The following ERP27 variants were observed in gnomAD, a reference collection of about 807,000 sequenced individuals.
ERP27 encodes the protein endoplasmic reticulum protein 27.
Under a neutral mutation model 27.7 loss-of-function variants are expected in ERP27, and 23 were observed. The ratio of observed to expected loss-of-function variants is 0.83; its 90% CI spans 0.60 to 1.18. The LOEUF is 1.18. Ranked by LOEUF, ERP27 falls within the 50% of genes most tolerant of loss-of-function variation. The probability of loss-of-function intolerance (pLI) is 0.00; values close to 1 mark genes in which losing one functional copy is unlikely to be tolerated. For synonymous variants in ERP27, 159 were observed against 118.3 expected (o/e 1.34, Z -2.23); for missense variants, 363 against 327.9 (o/e 1.11, Z -0.83).
chr12:14,923,546 A>G (rs943490355), intron 3 of ERP27, among the ~76,000 whole-genome samples: 6 of 137,034 alleles, frequency 4.4e-5, no homozygotes, highest in African/African-American at 1.3e-4. Flanking sequence ...TATATTACCT[A>G]TCTCCTGTTG....
intron 3 of ERP27, among the ~76,000 whole-genome samples, chr12:14,929,559 T>C (rs1863666026): frequency 6.6e-6 from 1 of 152,144 alleles, no homozygotes; most frequent in Non-Finnish European, 1.5e-5. Context: ...ATGGAAAGAA[T>C]TTTACTTAAA....
At chr12:14,929,789 C>T (rs1259853652) in intron 3 of ERP27, among the ~76,000 whole-genome samples, 1 of 152,030 alleles carries the variant, frequency 6.6e-6, no homozygotes, top group East Asian at 1.9e-4. Context: ...TTTCTAACAA[C>T]CCAGATTTTT....
Position 14,915,615 on chromosome 12 carries a change from C to G in ERP27, c.648G>C (p.Glu216Asp). The change falls in exon 6 of 7, where the codon GAG becomes GAC. Residue 216 changes from glutamate to aspartate, a missense_variant. Physicochemically the swap from Glu to Asp is conservative, Grantham distance 45. Coordinates refer to ENST00000266397, the MANE Select transcript of ERP27 (RefSeq NM_152321.4). ...AAATTGCCAAAGCTGGCAGTTGAGA[C>G]TCCTTTAGTTTGAAAAATGATATCA... ...GKVISFFKLK[E>D]SQLPALAIYQ... is the part of the protein sequence containing the mutation. 1.9e-6 allele frequency: 3 copies of G among 1,614,224 alleles called. No homozygotes were observed. Among genetic ancestry groups the G allele is most frequent in the Non-Finnish European group, 2.5e-6 (3 of 1,180,042 alleles).
intron 3 of ERP27, among the ~76,000 whole-genome samples, chr12:14,931,989 A>G (rs1028351594): frequency 1.3e-5 from 2 of 152,142 alleles, no homozygotes; most frequent in African/African-American, 4.8e-5. Flanking sequence ...CTTATTTCAC[A>G]CTGGTGAGAA....
At chr12:14,930,537 G>C (rs1863682407) in intron 3 of ERP27, among the ~76,000 whole-genome samples, 1 of 152,180 alleles carries the variant, frequency 6.6e-6, no homozygotes, top group African/African-American at 2.4e-5. Flanking sequence ...GCAACAATAA[G>C]AGTCCTGTTG....
intron 3 of ERP27, among the ~76,000 whole-genome samples, chr12:14,927,259 C>T (rs1348056302): frequency 6.6e-6 from 1 of 151,724 alleles, no homozygotes; most frequent in East Asian, 1.9e-4. Context: ...GTGGATTATG[C>T]ATATTCCACA....
At position 14,934,880 on chromosome 12, in the gene ERP27, C is replaced by T. The variant is rs757168390; in HGVS notation, c.309G>A (p.Gly103=). ...SEVLTHYNIT[G]NTICLFRLVD... is the part of the protein sequence containing the mutation. The stretch of plus-strand genomic sequence containing the variant: ...CCAGGCGAAAGAGGCAGATGGTGTT[C>T]CCAGTGATGTTGTAGTGTGTCAGAA... The change falls in exon 3 of 7, where the codon GGG becomes GGA. Residue 103 remains glycine (G), a synonymous_variant. Transcript: ENST00000266397. 1.9e-6 allele frequency: 3 copies of T among 1,613,902 alleles called. No individual in the cohort carries two copies. The highest frequency in any genetic ancestry group is 1.7e-6 in the Non-Finnish European group (2 of 1,179,912).
At chr12:14,915,440 A>G (rs1166436932) in intron 6 of ERP27, 49 bp downstream of exon 6, 4 of 1,574,546 alleles carry the variant, frequency 2.5e-6, no homozygotes, top group Admixed American at 1.7e-5. Flanking sequence ...TGGAAATAAA[A>G]GGGACATAGA....
At chr12:14,915,832 G>A (rs1168870526) in intron 5 of ERP27, 146 bp from the exon 6 acceptor site, 2 of 745,036 alleles carry the variant, frequency 2.7e-6, no homozygotes, top group Non-Finnish European at 2.1e-6. Context: ...ATAAATTATT[G>A]CAGCTGTAAC....
At chr12:14,920,209 G>C (rs79839041) in intron 4 of ERP27, among the ~76,000 whole-genome samples, 2,498 of 152,304 alleles carry the variant, frequency 0.016, 62 homozygotes, top group African/African-American at 0.056. Flanking sequence ...TGGTGATCAG[G>C]ACAGGTGGAG....
intron 3 of ERP27, among the ~76,000 whole-genome samples, chr12:14,933,695 C>A (rs938628800): frequency 4.6e-5 from 7 of 152,182 alleles, no homozygotes; most frequent in Admixed American, 3.3e-4. Flanking sequence ...ACAAGTAGAA[C>A]TCAATGACCA....
At chr12:14,926,207 G>A (rs972092906) in intron 3 of ERP27, among the ~76,000 whole-genome samples, 16 of 152,156 alleles carry the variant, frequency 1.1e-4, no homozygotes, top group African/African-American at 3.9e-4. Context: ...AAATCTGTCT[G>A]GCAAATTGAA....
At chr12:14,932,797 T>C (rs1863715550) in intron 3 of ERP27, among the ~76,000 whole-genome samples, 1 of 152,260 alleles carries the variant, frequency 6.6e-6, no homozygotes, top group East Asian at 1.9e-4. Context: ...TGGAGGAGAA[T>C]ATAGATTCAA....
rs772475862 is a variant in ERP27 at position 14,917,303 on chromosome 12, T to C, written c.451A>G (p.Thr151Ala). 11 of 1,613,962 alleles carry C rather than the reference T, an allele frequency of 6.8e-6. No homozygotes were observed. The East Asian group carries it at 2.2e-4, about 33-fold the overall frequency. ...LHMVTEYNPV[T>A]VIGLFNSVIQ... Reference sequence around the variant, plus strand: ...ACGCTGTTGAATAACCCAATCACAGTCTGGCAAGTCGAAATGTGTTACAGT... The same window carrying C: ...ACGCTGTTGAATAACCCAATCACAGCCTGGCAAGTCGAAATGTGTTACAGT... The change falls in exon 5 of 7, where the codon ACT becomes GCT. Residue 151 changes from threonine (T) to alanine (A), a missense_variant and splice_region_variant. Physicochemically the swap from Thr to Ala is moderately conservative, Grantham distance 58 (BLOSUM62 0). Coordinates refer to ENST00000266397, the MANE Select transcript of ERP27 (RefSeq NM_152321.4).
At chr12:14,938,348 C>T (rs1863803306) in intron 1 of ERP27, 67 bp downstream of exon 1, 1 of 1,499,428 alleles carries the variant, frequency 6.7e-7, no homozygotes, top group Admixed American at 1.7e-5. Context: ...AGAGAACCAC[C>T]ATGCTCCCTT....
At chr12:14,921,357 G>A (rs754145186) in intron 3 of ERP27, among the ~76,000 whole-genome samples, 6 of 152,206 alleles carry the variant, frequency 3.9e-5, no homozygotes, top group Non-Finnish European at 8.8e-5. Flanking sequence ...TCAGATAAAT[G>A]AGGATGAGGA....
intron 5 of ERP27, among the ~76,000 whole-genome samples, chr12:14,916,294 G>T (rs966879842): frequency 6.6e-6 from 1 of 152,182 alleles, no homozygotes; most frequent in Non-Finnish European, 1.5e-5. Context: ...AAGAAAGGAA[G>T]TATAGCCTAA....
At chr12:14,923,492 A>T (rs2445377) in intron 3 of ERP27, among the ~76,000 whole-genome samples, 33,233 of 141,028 alleles carry the variant, frequency 0.24, 3,921 homozygotes, top group East Asian at 0.32. Flanking sequence ...ATCTATAATC[A>T]ATCTATCTAT....
At chr12:14,920,253 A>G (rs1007367086) in intron 4 of ERP27, among the ~76,000 whole-genome samples, 20 of 152,212 alleles carry the variant, frequency 1.3e-4, no homozygotes, top group African/African-American at 4.6e-4. Context: ...GCAGCATGCA[A>G]CACCAGAGGA....
Sources: allele counts gnomAD v4.1 joint callset (sites outside exome capture counted in the v4.1 genomes callset), GRCh38; gene constraint gnomAD v4.1.1; transcripts MANE v1.5; gene names NCBI Gene and HGNC (gene_info 2026-07-23, HGNC 2026-07-21).